Variants in MYO18B observed in about 807,000 individuals in gnomAD.
The protein encoded by MYO18B is unconventional myosin-XVIIIb.
Under a neutral mutation model 273.0 loss-of-function variants are expected in MYO18B, and 204 were observed. That is an observed-to-expected ratio of 0.75 (90% CI 0.67 to 0.84). The LOEUF is 0.84. MYO18B is among the 40% of genes least tolerant of loss of function. The probability of loss-of-function intolerance (pLI) is 0.00; values close to 1 mark genes in which losing one functional copy is unlikely to be tolerated. For missense variants in MYO18B, 3,212 were observed against 3,287.6 expected, an observed-to-expected ratio of 0.98 and a Z score of 0.56; for synonymous variants, 1,330 against 1,305.7, an observed-to-expected ratio of 1.02 and a Z score of -0.40.
At chr22:25,876,079 G>T in intron 23 of MYO18B, 110 bp from the exon 24 acceptor site, 1 of 1,021,364 alleles carries the variant, frequency 9.8e-7, no homozygotes, top group Non-Finnish European at 1.4e-6. Context: ...CTTCCACCGG[G>T]AAATAACCCC....
intron 21 of MYO18B, among the ~76,000 whole-genome samples, chr22:25,854,114 T>G (rs960399320): frequency 6.6e-6 from 1 of 152,158 alleles, no homozygotes; most frequent in Non-Finnish European, 1.5e-5. Flanking sequence ...GGGGATTCAT[T>G]GTCAGGGTGT....
intron 1 of MYO18B, among the ~76,000 whole-genome samples, chr22:25,744,732 CAAAAATAAAAAT>C (rs763381707): frequency 2.0e-5 from 3 of 151,856 alleles, no homozygotes; most frequent in Admixed American, 6.6e-5. Context: ...GACTCCGTCT[CAAAAATAAAAAT>C]AAAAATAAAA....
chr22:25,945,373 C>T (rs1338595463), intron 34 of MYO18B, among the ~76,000 whole-genome samples: 2 of 152,050 alleles, frequency 1.3e-5, no homozygotes, highest in Non-Finnish European at 2.9e-5. Flanking sequence ...TTGCCTGTCT[C>T]CCACTGAGAG....
At chr22:25,969,646 C>T (rs1416777332) in intron 39 of MYO18B, among the ~76,000 whole-genome samples, 1 of 149,390 alleles carries the variant, frequency 6.7e-6, no homozygotes. Context: ...CATTGCTTAG[C>T]ACAGAGTAGG....
At chr22:25,994,805 T>G (rs1408401820) in intron 40 of MYO18B, among the ~76,000 whole-genome samples, 2 of 152,240 alleles carry the variant, frequency 1.3e-5, no homozygotes, top group African/African-American at 4.8e-5. Flanking sequence ...TCTCCATTCA[T>G]AGAAACAATA....
Position 26,027,520 on chromosome 22 carries a change from G to T in MYO18B, c.7546G>T (p.Val2516Leu), listed in dbSNP as rs759739539. 6.2e-7 allele frequency: 1 copy of T among 1,613,956 alleles called. No homozygotes were observed. Among genetic ancestry groups the T allele is most frequent in the South Asian group, 1.1e-5 (1 of 91,074 alleles). Residue 2516 changes from valine (V) to leucine (L), a missense_variant, in exon 43 of 44, where the codon GTG becomes TTG. Physicochemically the swap from Val to Leu is conservative, Grantham distance 32. Coordinates refer to ENST00000335473, the MANE Select transcript of MYO18B (RefSeq NM_032608.7). This position sits in a 1 kb window ranked among gnomAD's most constrained non-coding sequence, Gnocchi z 4.1. ...CTCGTCCTCATCCTCCGGCTCCATC[G>T]TGTCCTTCAAAAGTGCTGACAGCAT... Reference protein sequence around the residue: ...SDSSSSSGSIVSFKSADSIKS... With the variant: ...SDSSSSSGSILSFKSADSIKS...
At chr22:26,033,351 G>A (rs1236459602), downstream of MYO18B, among the ~76,000 whole-genome samples, 1 of 152,192 alleles carries the variant, frequency 6.6e-6, no homozygotes, top group Non-Finnish European at 1.5e-5. Flanking sequence ...CAGACAATAA[G>A]CAAGAAAATG....
chr22:25,804,078 AAC>A (rs202060964), intron 12 of MYO18B, among the ~76,000 whole-genome samples: 3,377 of 151,994 alleles, frequency 0.022, 102 homozygotes, highest in African/African-American at 0.071. Flanking sequence ...GAAAAACAAA[AAC>A]ACGCCAACAC....
At chr22:26,035,802 T>C (rs889394529), downstream of MYO18B, among the ~76,000 whole-genome samples, 1 of 152,184 alleles carries the variant, frequency 6.6e-6, no homozygotes, top group African/African-American at 2.4e-5. Flanking sequence ...AAAGAGGAGT[T>C]GGTCAACAGG....
At chr22:25,845,923 C>A (rs2090226882) in intron 18 of MYO18B, among the ~76,000 whole-genome samples, 177 bp from the exon 19 acceptor site, 1 of 152,204 alleles carries the variant, frequency 6.6e-6, no homozygotes, top group African/African-American at 2.4e-5. Context: ...AGCAAAGCCT[C>A]ACCTGGCAGG....
chr22:26,001,391 A>C (rs1211711631), intron 40 of MYO18B, among the ~76,000 whole-genome samples: 1 of 152,218 alleles, frequency 6.6e-6, no homozygotes, highest in Non-Finnish European at 1.5e-5. Context: ...AACTCCTGCA[A>C]GGTCTGAAGG....
chr22:26,029,689 A>G (rs1450876028), intron 43 of MYO18B, among the ~76,000 whole-genome samples: 1 of 152,138 alleles, frequency 6.6e-6, no homozygotes, highest in Admixed American at 6.5e-5. Flanking sequence ...AACGATGCAA[A>G]TGCATGGTGG....
At chr22:26,019,937 G>T (rs191609810) in intron 42 of MYO18B, among the ~76,000 whole-genome samples, 2 of 152,056 alleles carry the variant, frequency 1.3e-5, no homozygotes. Flanking sequence ...TCATTACATC[G>T]CAGTGGATCT....
In MYO18B at chr22:25,798,193, A is replaced by T. The variant is rs550435594; in HGVS notation, c.2521+96A>T. On this transcript the variant is annotated intron_variant, in intron 12 of 43. Transcript: ENST00000335473. The stretch of plus-strand genomic sequence containing the variant: ...CTCTCGGAGCGGTGGGAACAGGGTC[A>T]ATCTGTCACCTTCTATGTCTCTGGG... The T allele has an allele frequency of 1.2e-4, 162 of 1,394,908 alleles. No homozygotes were observed. The South Asian group carries it at 2.0e-3, about 17-fold the overall frequency. The allele number at this position is 1,394,908 out of a possible 1,614,324, so 86.4% of individuals were successfully genotyped here.
chr22:25,837,839 G>T (rs1012904058), intron 17 of MYO18B, among the ~76,000 whole-genome samples: 2 of 152,176 alleles, frequency 1.3e-5, no homozygotes, highest in South Asian at 4.1e-4. Flanking sequence ...CACAGTGCCC[G>T]GTGTTCTGGG....
chr22:25,886,199 T>C (rs1014265694), intron 25 of MYO18B, among the ~76,000 whole-genome samples: 1 of 152,208 alleles, frequency 6.6e-6, no homozygotes, highest in Non-Finnish European at 1.5e-5. Flanking sequence ...GCACTATCTG[T>C]GGTGGCGATG....
At chr22:26,006,721 A>C (rs541949840) in intron 42 of MYO18B, among the ~76,000 whole-genome samples, 1 of 152,162 alleles carries the variant, frequency 6.6e-6, no homozygotes, top group Non-Finnish European at 1.5e-5. Flanking sequence ...TTCTCTGTTC[A>C]TGTTTCCTCC....
chr22:25,898,477 C>T lies in MYO18B; in HGVS notation c.4823+16C>T, dbSNP rs1269977698. The T allele has an allele frequency of 6.2e-7, 1 of 1,611,722 alleles. No homozygotes were observed. Among genetic ancestry groups the T allele is most frequent in the African/African-American group, 1.3e-5 (1 of 74,882 alleles). The stretch of plus-strand genomic sequence containing the variant: ...AGCAGAAGAAGTGAGTTGCATCTCT[C>T]ACCATCACCTGGGCTGCCAGGGTGG... On this transcript the variant is annotated intron_variant, in intron 29 of 43. Transcript: ENST00000335473.
At chr22:25,821,450 A>C (rs1160247504) in intron 12 of MYO18B, among the ~76,000 whole-genome samples, 1 of 152,162 alleles carries the variant, frequency 6.6e-6, no homozygotes, top group African/African-American at 2.4e-5. Flanking sequence ...GTTAGTGAAA[A>C]TGTTTTAAGG....
Sources: allele counts gnomAD v4.1 joint callset (sites outside exome capture counted in the v4.1 genomes callset), GRCh38; gene constraint gnomAD v4.1.1; non-coding constraint Gnocchi (gnomAD v3.1); transcripts MANE v1.5; gene names NCBI Gene and HGNC (gene_info 2026-07-23, HGNC 2026-07-21).